Variants in GALNT13 observed in about 807,000 individuals in gnomAD.
GALNT13 encodes the protein UDP-GalNAc:polypeptide N-acetylgalactosaminyltransferase 13.
In GALNT13, 28 loss-of-function variants were observed where a neutral mutation model predicts 64.2. The observed-to-expected ratio is 0.44, with a 90% CI of 0.32 to 0.60. The LOEUF is 0.60. Ranked by LOEUF, GALNT13 falls within the 20% of genes least tolerant of loss-of-function variation. GALNT13 has a pLI of 0.05. For synonymous variants in GALNT13, 214 were observed against 224.6 expected, an observed-to-expected ratio of 0.95 and a Z score of 0.42; for missense variants, 577 against 669.8, an observed-to-expected ratio of 0.86 and a Z score of 1.53.
intron 8 of GALNT13, among the ~76,000 whole-genome samples, chr2:154,266,208 C>G (rs1040307002): frequency 1.4e-4 from 22 of 152,066 alleles, no homozygotes; most frequent in African/African-American, 3.6e-4. Context: ...CTTCTAAGAT[C>G]AGGAATAAAT....
At chr2:154,205,588 AAGAAAG>A (rs1687399077) in intron 4 of GALNT13, among the ~76,000 whole-genome samples, 1 of 152,226 alleles carries the variant, frequency 6.6e-6, no homozygotes, top group African/African-American at 2.4e-5. Context: ...CAACTTACAA[AAGAAAG>A]AGGTTTGTTG....
chr2:154,071,580 A>G (rs537807150), intron 3 of GALNT13, among the ~76,000 whole-genome samples: 1 of 152,204 alleles, frequency 6.6e-6, no homozygotes, highest in East Asian at 1.9e-4. Context: ...CATATTTGTG[A>G]ATTTTACTAC....
chr2:154,027,099 A>G (rs1327525459), intron 3 of GALNT13, among the ~76,000 whole-genome samples: 2 of 152,198 alleles, frequency 1.3e-5, no homozygotes, highest in South Asian at 2.1e-4. Context: ...ATTAAATGAT[A>G]TGTAGAATAT....
chr2:154,311,815 G>A lies in GALNT13; in HGVS notation c.1156+10226G>A, dbSNP rs947990416. On this transcript the variant is annotated intron_variant, in intron 9 of 12. Transcript: ENST00000392825. ...GGTGCGCATTCTCTTTCTCAGGGAC[G>A]TTCCATGCTGAGAAAAGGAATTCAG... Among the ~76,000 whole-genome samples the A allele has an allele frequency of 5.9e-5, 9 of 152,268 alleles. No homozygotes were observed. In the East Asian group the frequency reaches 1.2e-3, roughly 20 times the overall value.
At chr2:153,134,642 C>T in the GALNT13 span, among the ~76,000 whole-genome samples, 1 of 152,102 alleles carries the variant, frequency 6.6e-6, no homozygotes, top group Non-Finnish European at 1.5e-5. Flanking sequence ...ACTTCTAGAA[C>T]TTAGTGCCCA....
At chr2:153,425,946 C>T in the GALNT13 span, among the ~76,000 whole-genome samples, 2 of 151,762 alleles carry the variant, frequency 1.3e-5, no homozygotes, top group East Asian at 1.9e-4. Flanking sequence ...CATGGTGTTA[C>T]AGCAAAAATC....
At chr2:154,025,520 G>A (rs1291606631) in intron 3 of GALNT13, among the ~76,000 whole-genome samples, 1 of 140,512 alleles carries the variant, frequency 7.1e-6, no homozygotes, top group African/African-American at 2.7e-5. Flanking sequence ...TTATTTTTAT[G>A]TAACAAAATG....
the GALNT13 span, among the ~76,000 whole-genome samples, chr2:153,205,379 A>G: frequency 0.032 from 4,906 of 152,128 alleles, 274 homozygotes; most frequent in African/African-American, 0.11. Flanking sequence ...ACTTTGTCCT[A>G]AAAGAGCTGC....
intron 1 of GALNT13, among the ~76,000 whole-genome samples, chr2:153,892,241 G>T (rs1484237262): frequency 1.3e-5 from 2 of 151,974 alleles, no homozygotes. Context: ...TTCTATAAAT[G>T]TCTTGAAAAA....
At chr2:153,514,689 C>T in the GALNT13 span, among the ~76,000 whole-genome samples, 1 of 152,062 alleles carries the variant, frequency 6.6e-6, no homozygotes, top group Non-Finnish European at 1.5e-5. Flanking sequence ...CAGGTGCTAC[C>T]ATTCATGTTG....
the GALNT13 span, among the ~76,000 whole-genome samples, chr2:153,299,653 A>G: frequency 3.9e-5 from 6 of 152,292 alleles, no homozygotes; most frequent in East Asian, 9.7e-4. Flanking sequence ...ATGGGAAGCC[A>G]AAAGTCAAGG....
At chr2:153,307,358 C>A in the GALNT13 span, among the ~76,000 whole-genome samples, 1 of 151,782 alleles carries the variant, frequency 6.6e-6, no homozygotes, top group African/African-American at 2.4e-5. Context: ...CAATTATGCA[C>A]ACAGATTTGC....
chr2:153,314,178 T>C, the GALNT13 span, among the ~76,000 whole-genome samples: 2 of 152,192 alleles, frequency 1.3e-5, no homozygotes, highest in Non-Finnish European at 2.9e-5. Flanking sequence ...AGCAGCATAT[T>C]TGAAGAGGCA....
chr2:153,543,928 A>T, the GALNT13 span, among the ~76,000 whole-genome samples: 1 of 152,194 alleles, frequency 6.6e-6, no homozygotes, highest in Admixed American at 6.5e-5. Flanking sequence ...GTAATGAAGC[A>T]GGCAAACAGG....
chr2:153,356,831 T>A, the GALNT13 span, among the ~76,000 whole-genome samples: 4 of 139,034 alleles, frequency 2.9e-5, no homozygotes, highest in Non-Finnish European at 6.1e-5. Context: ...GGAGTCTTGC[T>A]CTGTCGCCCA....
intron 3 of GALNT13, among the ~76,000 whole-genome samples, chr2:154,065,259 G>A (rs1700401780): frequency 6.6e-6 from 1 of 152,164 alleles, no homozygotes; most frequent in African/African-American, 2.4e-5. Context: ...CCAGACCCTG[G>A]TTTCTGGATG....
the GALNT13 span, among the ~76,000 whole-genome samples, chr2:153,477,170 T>A: frequency 4.6e-5 from 7 of 151,962 alleles, no homozygotes; most frequent in African/African-American, 1.7e-4. Flanking sequence ...TCCTTCTCAG[T>A]CATCCCAGGG....
intron 3 of GALNT13, among the ~76,000 whole-genome samples, chr2:154,049,172 G>A (rs1196442114): frequency 1.3e-5 from 2 of 151,838 alleles, no homozygotes; most frequent in Non-Finnish European, 2.9e-5. Flanking sequence ...ACTGGAAGTT[G>A]CAGTGCCTCA....
chr2:153,132,972 C>T, the GALNT13 span, among the ~76,000 whole-genome samples: 1,719 of 151,972 alleles, frequency 0.011, 24 homozygotes, highest in African/African-American at 0.026. Context: ...ATCTACCTGC[C>T]GTGGCCTCCC....
Sources: allele counts gnomAD v4.1 joint callset (sites outside exome capture counted in the v4.1 genomes callset), GRCh38; gene constraint gnomAD v4.1.1; transcripts MANE v1.5; gene names NCBI Gene and HGNC (gene_info 2026-07-23, HGNC 2026-07-21).